Variants in PLEKHM3 observed in about 807,000 individuals in gnomAD.
The protein encoded by PLEKHM3 is pleckstrin homology domain containing M3.
Under a neutral mutation model 81.8 loss-of-function variants are expected in PLEKHM3, and 45 were observed. The ratio of observed to expected loss-of-function variants is 0.55; its 90% CI spans 0.43 to 0.71. The LOEUF (loss-of-function observed/expected upper bound fraction) is 0.71, where lower values mean the gene tolerates loss of function less well. Among genes scored for constraint, PLEKHM3 ranks in the 30% least tolerant of loss-of-function variants. The pLI is 0.00. For missense variants in PLEKHM3, 788 were observed against 924.3 expected (o/e 0.85, Z 1.91); for synonymous variants, 352 against 356.4 (o/e 0.99, Z 0.14).
chr2:207,901,860 C>T (rs1159740308), intron 6 of PLEKHM3, among the ~76,000 whole-genome samples: 3 of 152,214 alleles, frequency 2.0e-5, no homozygotes, highest in South Asian at 2.1e-4. Flanking sequence ...ATGGAGGCCT[C>T]GTTCCTGTCT....
At chr2:207,893,172 T>C (rs1688112949) in intron 6 of PLEKHM3, among the ~76,000 whole-genome samples, 1 of 152,250 alleles carries the variant, frequency 6.6e-6, no homozygotes, top group South Asian at 2.1e-4. Flanking sequence ...CAGATTTACT[T>C]AATATCCCAG....
chr2:207,929,136 C>A (rs1689503289), intron 5 of PLEKHM3, among the ~76,000 whole-genome samples: 1 of 152,104 alleles, frequency 6.6e-6, no homozygotes. Context: ...TGAACAAGTC[C>A]AGGAAAGAAA....
chr2:207,876,133 G>A (rs1024123319), intron 6 of PLEKHM3, among the ~76,000 whole-genome samples: 4 of 152,232 alleles, frequency 2.6e-5, no homozygotes, highest in East Asian at 1.9e-4. Context: ...GTAGTGGGAT[G>A]TAGGGGAGAA....
chr2:207,928,493 T>C (rs973039409), intron 5 of PLEKHM3, among the ~76,000 whole-genome samples: 1 of 152,264 alleles, frequency 6.6e-6, no homozygotes, highest in Non-Finnish European at 1.5e-5. Context: ...TTAATAACAA[T>C]AATAGTATTT....
chr2:207,869,323 G>A (rs1017876604), intron 6 of PLEKHM3, among the ~76,000 whole-genome samples: 5 of 152,082 alleles, frequency 3.3e-5, no homozygotes, highest in Admixed American at 2.6e-4. Context: ...TCATGACAGT[G>A]TAATTAGAAG....
At position 207,876,628 on chromosome 2, in the gene PLEKHM3, T is replaced by C. The variant is rs557462788; in HGVS notation, c.1951-15366A>G. 3.3e-5 allele frequency among the ~76,000 whole-genome samples: 5 copies of C among 152,306 alleles called. No homozygotes were observed. In the South Asian group the frequency reaches 1.0e-3, roughly 32 times the overall value. On this transcript the variant is annotated intron_variant, in intron 6 of 7. Transcript: ENST00000427836. ...AATAGCCATATCTAATACCAGGCGA[T>C]TTAAGGATGGTTTTTGTTTACATGA...
At chr2:207,985,124 C>T (rs746466709) in intron 2 of PLEKHM3, among the ~76,000 whole-genome samples, 7 of 152,012 alleles carry the variant, frequency 4.6e-5, no homozygotes, top group African/African-American at 7.3e-5. Flanking sequence ...AGTGCTGCCA[C>T]TCTTAACTCC....
chr2:207,858,896 T>TAATTCC (rs1559209942), intron 7 of PLEKHM3, among the ~76,000 whole-genome samples: 1 of 152,114 alleles, frequency 6.6e-6, no homozygotes, highest in Non-Finnish European at 1.5e-5. Context: ...TACCACAATC[T>TAATTCC]AATTCCAGAA....
intron 5 of PLEKHM3, 131 bp from the exon 6 acceptor site, chr2:207,908,708 C>G: frequency 1.4e-6 from 1 of 693,466 alleles, no homozygotes; most frequent in Non-Finnish European, 2.4e-6. Flanking sequence ...TTCTCCTAAG[C>G]CCTCTGAGGA....
intron 6 of PLEKHM3, among the ~76,000 whole-genome samples, chr2:207,894,939 A>G (rs2105878132): frequency 6.6e-6 from 1 of 152,280 alleles, no homozygotes; most frequent in East Asian, 1.9e-4. Context: ...AGGTCATTAT[A>G]TAGGGCTATT....
chr2:207,826,566 G>A lies in PLEKHM3; in HGVS notation c.*1753C>T, dbSNP rs1198370269. 1 of 152,226 alleles carries A rather than the reference G, an allele frequency of 6.6e-6. No individual in the cohort carries two copies. Among genetic ancestry groups the A allele is most frequent in the Non-Finnish European group, 1.5e-5 (1 of 68,058 alleles). 9.4% of individuals were successfully genotyped at this position (152,226 alleles called of 1,614,324 possible). On this transcript the variant is annotated 3_prime_UTR_variant, in exon 8 of 8. Transcript: ENST00000427836. ...GTTGAGCTATTAAGGTGAAATGTGT[G>A]GCCTGGGGCCAAAGGAACTGGTGTG...
chr2:207,890,701 C>T (rs1409282029), intron 6 of PLEKHM3, among the ~76,000 whole-genome samples: 1 of 152,174 alleles, frequency 6.6e-6, no homozygotes, highest in Non-Finnish European at 1.5e-5. Flanking sequence ...TTTAAGGGCT[C>T]AGTTGCTAGC....
At position 207,931,073 on chromosome 2, in the gene PLEKHM3, G is replaced by A; in HGVS notation, c.1739C>T (p.Pro580Leu). The A allele has an allele frequency of 6.2e-7, 1 of 1,613,984 alleles. No individual in the cohort carries two copies. Among genetic ancestry groups the A allele is most frequent in the South Asian group, 1.1e-5 (1 of 91,070 alleles). The change falls in exon 5 of 8, where the codon CCG (proline) becomes CTG (leucine). Residue 580 changes from proline (P) to leucine (L), a missense_variant. By Grantham distance (98) the Pro-to-Leu change is moderately conservative. Transcript: ENST00000427836. The part of the protein sequence containing the change: ...KEFLEYVYEE[P>L]LIDIQQENAM... The stretch of plus-strand genomic sequence containing the variant: ...GTTCTCCTGCTGGATGTCGATGAGC[G>A]GCTCTTCGTACACGTACTCCAGAAA...
intron 5 of PLEKHM3, among the ~76,000 whole-genome samples, chr2:207,914,266 C>T (rs548978266): frequency 8.4e-4 from 128 of 152,054 alleles, no homozygotes; most frequent in African/African-American, 2.7e-3. Flanking sequence ...GAGGCCAAGT[C>T]GGGCTGATCA....
rs573499173 is a variant in PLEKHM3, at chr2:208,001,187, T to C, written c.453A>G (p.Arg151=). The C allele has an allele frequency of 1.1e-5, 17 of 1,614,094 alleles. No homozygotes were observed. Among genetic ancestry groups the C allele is most frequent in the East Asian group, 2.2e-5 (1 of 44,880 alleles). ...TCCAGTCCACTTGGGTAATATCTGA[T>C]CGTGATCGAGCATGCCCTGGCTTGA... is the stretch of plus-strand genomic sequence containing the variant. ...STFKPGHARS[R]SDITQVDWRV... Residue 151 remains arginine (R), a synonymous_variant, in exon 2 of 8, where the codon CGA becomes CGG. Transcript: ENST00000427836.
At chr2:207,934,070 T>C (rs1689672298) in intron 4 of PLEKHM3, among the ~76,000 whole-genome samples, 1 of 152,156 alleles carries the variant, frequency 6.6e-6, no homozygotes, top group Admixed American at 6.5e-5. Context: ...AGGATTGTAC[T>C]CTCAAACTCA....
chr2:207,910,744 C>A (rs1377468528), intron 5 of PLEKHM3, among the ~76,000 whole-genome samples: 1 of 152,088 alleles, frequency 6.6e-6, no homozygotes, highest in Non-Finnish European at 1.5e-5. Context: ...CTTTTTGAAG[C>A]AGGAACGCCA....
At chr2:207,852,642 T>G (rs935999090) in intron 7 of PLEKHM3, 2 of 293,564 alleles carry the variant, frequency 6.8e-6, no homozygotes, top group African/African-American at 4.5e-5. Context: ...GTGACTCAAG[T>G]TCAACACAGA....
intron 3 of PLEKHM3, among the ~76,000 whole-genome samples, chr2:207,963,427 A>G (rs750588047): frequency 6.6e-6 from 1 of 152,180 alleles, no homozygotes; most frequent in Non-Finnish European, 1.5e-5. Context: ...AAGAATTGTA[A>G]AGAGAAGACT....
Sources: gnomAD v4.1 joint callset for allele counts (sites outside exome capture counted in the v4.1 genomes callset) on GRCh38, gnomAD v4.1.1 for gene constraint, MANE v1.5 for transcripts, NCBI Gene and HGNC (gene_info 2026-07-23, HGNC 2026-07-21) for gene names.